The following VPS13D variants were observed in gnomAD, a reference collection of about 807,000 sequenced individuals.
VPS13D encodes vacuolar protein sorting 13 homolog D, also known as intermembrane lipid transfer protein VPS13D.
Under a neutral mutation model 461.9 loss-of-function variants are expected in VPS13D, and 187 were observed. The ratio of observed to expected loss-of-function variants is 0.40; its 90% confidence interval spans 0.36 to 0.46. The LOEUF is 0.46. Ranked by LOEUF, VPS13D falls within the 20% of genes least tolerant of loss-of-function variation. The pLI is 0.60. For synonymous variants in VPS13D, 1,951 were observed against 1,986.3 expected, an observed-to-expected ratio of 0.98 and a Z score of 0.47; for missense variants, 4,711 against 5,364.9, an observed-to-expected ratio of 0.88 and a Z score of 3.81.
intron 54 of VPS13D, 49 bp from the exon 55 acceptor site, chr1:12,373,701 A>G: frequency 1.8e-6 from 2 of 1,116,956 alleles, no homozygotes; most frequent in East Asian, 6.9e-5. Flanking sequence ...ATGTGTGTGT[A>G]TACCTGTATA....
chr1:12,278,917 AG>A (rs2101369056), intron 19 of VPS13D, among the ~76,000 whole-genome samples: 1 of 152,378 alleles, frequency 6.6e-6, no homozygotes, highest in Non-Finnish European at 1.5e-5. Context: ...CGCAGAGATC[AG>A]GTAAGTCCTA....
rs1641606586 is a variant in VPS13D, at chr1:12,276,192, C to T, written c.2604C>T (p.Pro868=). The T allele has an allele frequency of 3.7e-6, 6 of 1,614,094 alleles. No individual in the cohort carries two copies. Among genetic ancestry groups the T allele is most frequent in the Non-Finnish European group, 5.1e-6 (6 of 1,180,006 alleles). The change falls in exon 19 of 70, where the codon CCC becomes CCT. Residue 868 remains proline (P), a synonymous_variant. Coordinates refer to ENST00000620676, the MANE Select transcript of VPS13D (RefSeq NM_015378.4). This position sits in a 1 kb window ranked among gnomAD's most constrained non-coding sequence, Gnocchi z 4.5. ...GTCGATTGATTTATACTTCAGATCCCAAATATCCAGGAGCCGTGCTCTCAG... is the reference window on the plus strand; with the variant it reads ...GTCGATTGATTTATACTTCAGATCCTAAATATCCAGGAGCCGTGCTCTCAG... ...LERRLIYTSD[P]KYPGAVLSGN...
chr1:12,312,574 A>G (rs1188944526), intron 29 of VPS13D, among the ~76,000 whole-genome samples: 2 of 152,352 alleles, frequency 1.3e-5, no homozygotes, highest in African/African-American at 4.8e-5. Context: ...CCTGGGCAAC[A>G]TAGTGAGAGA....
Position 12,378,430 on chromosome 1 carries a change from A to G in VPS13D, c.10920A>G (p.Glu3640=), listed in dbSNP as rs1445485668. The part of the protein sequence containing the change: ...KTQRVILKKK[E]PGKRSQLWRM... ...TTTTGCTTGTACCTACTTAACAGGA[A>G]CCAGGAAAGCGTTCTCAGCTGTGGA... Residue 3640 remains glutamate (E), a splice_region_variant and synonymous_variant, in exon 56 of 70, where the codon GAA becomes GAG. Coordinates refer to ENST00000620676, the MANE Select transcript of VPS13D (RefSeq NM_015378.4). 7 of 1,600,992 alleles carry G rather than the reference A, an allele frequency of 4.4e-6. No individual in the cohort carries two copies. The African/African-American group carries it at 5.4e-5, about 12-fold the overall frequency.
In VPS13D at chr1:12,273,779, G is replaced by A. The variant is rs541798133; in HGVS notation, c.2236+644G>A. On this transcript the variant is annotated intron_variant, in intron 18 of 69. Coordinates refer to ENST00000620676, the MANE Select transcript of VPS13D (RefSeq NM_015378.4). ...ATAGTCCATCGTGTGGCTGTTCCGCGTTTTGTTTATCCTTTCATTTGTTCA... is the reference window on the plus strand; with the variant it reads ...ATAGTCCATCGTGTGGCTGTTCCGCATTTTGTTTATCCTTTCATTTGTTCA... Among the ~76,000 whole-genome samples, 59 of 152,122 alleles carry A rather than the reference G, an allele frequency of 3.9e-4. 1 individual carries two copies. The Middle Eastern group carries it at 0.024, about 61-fold the overall frequency.
At chr1:12,355,832 C>G (rs894621280) in intron 47 of VPS13D, 67 bp from the exon 48 acceptor site, 13 of 1,421,302 alleles carry the variant, frequency 9.1e-6, no homozygotes, top group Middle Eastern at 4.4e-4. Context: ...ATCCAATTTA[C>G]TTTTGCTGTG....
chr1:12,392,765 A>G (rs879817547), intron 60 of VPS13D, among the ~76,000 whole-genome samples: 4 of 152,114 alleles, frequency 2.6e-5, no homozygotes, highest in African/African-American at 7.2e-5. Flanking sequence ...GGGCCTGCCA[A>G]AGGCTCCAAA....
chr1:12,469,890 G>A (rs1292945966), intron 67 of VPS13D, among the ~76,000 whole-genome samples: 1 of 152,150 alleles, frequency 6.6e-6, no homozygotes. Context: ...AGGCTGCTTG[G>A]TTGTGTTTGC....
At chr1:12,270,625 C>CG (rs1641410875) in intron 16 of VPS13D, among the ~76,000 whole-genome samples, 1 of 152,186 alleles carries the variant, frequency 6.6e-6, no homozygotes, top group African/African-American at 2.4e-5. Context: ...TCCTCTCCCC[C>CG]CATGGCTGTC....
chr1:12,333,399 C>G (rs1169698944), intron 38 of VPS13D, 33 bp downstream of exon 38: 2 of 1,609,336 alleles, frequency 1.2e-6, no homozygotes, highest in Admixed American at 3.4e-5. Context: ...TAGACTGATA[C>G]CTTTCCGTAC....
chr1:12,246,916 A>G (rs1023586693), intron 5 of VPS13D, among the ~76,000 whole-genome samples: 1 of 152,158 alleles, frequency 6.6e-6, no homozygotes, highest in Non-Finnish European at 1.5e-5. Context: ...CCTTTTTGCT[A>G]TTACGAATAA....
At chr1:12,298,082 T>C (rs1642324773) in intron 24 of VPS13D, among the ~76,000 whole-genome samples, 1 of 152,180 alleles carries the variant, frequency 6.6e-6, no homozygotes, top group South Asian at 2.1e-4. Context: ...GTAATAATAA[T>C]AGCTGTTACA....
intron 67 of VPS13D, among the ~76,000 whole-genome samples, chr1:12,490,828 C>G (rs989507775): frequency 6.6e-6 from 1 of 151,974 alleles, no homozygotes; most frequent in Admixed American, 6.6e-5. Flanking sequence ...CAGATGCAGC[C>G]CATGGCATGG....
chr1:12,348,694 A>G, intron 44 of VPS13D, 129 bp from the exon 45 acceptor site: 6 of 1,180,484 alleles, frequency 5.1e-6, no homozygotes, highest in South Asian at 4.7e-5. Context: ...TTAGGGTTTT[A>G]TGACTGATTT....
chr1:12,381,408 C>T (rs1464170600), intron 57 of VPS13D, among the ~76,000 whole-genome samples: 1 of 152,128 alleles, frequency 6.6e-6, no homozygotes, highest in African/African-American at 2.4e-5. Context: ...GTTTGCTTTC[C>T]CACAGCCATA....
intron 61 of VPS13D, among the ~76,000 whole-genome samples, chr1:12,401,133 GTC>G (rs2101682984): frequency 6.6e-6 from 1 of 152,302 alleles, no homozygotes; most frequent in African/African-American, 2.4e-5. Flanking sequence ...TCTTGGAGGA[GTC>G]TCCACGCACA....
At chr1:12,256,959 C>G (rs1640942681) in intron 8 of VPS13D, 28 bp from the exon 9 acceptor site, 3 of 1,608,820 alleles carry the variant, frequency 1.9e-6, no homozygotes, top group African/African-American at 1.3e-5. Context: ...CTATTCTAAC[C>G]TAGTATCTCT....
At chr1:12,294,797 CG>C (rs1413471955) in intron 24 of VPS13D, among the ~76,000 whole-genome samples, 1 of 151,894 alleles carries the variant, frequency 6.6e-6, no homozygotes, top group African/African-American at 2.4e-5. Context: ...GGCGACAGAG[CG>C]AGACTCCGTC....
Position 12,260,892 on chromosome 1 carries a change from T to G in VPS13D, c.1213-56T>G, listed in dbSNP as rs6657877. ...GCTCCTGTGGGGAAACAGCAGCATA[T>G]CACAGCTTGCTTTTATCTTTGAGTA... On this transcript the variant is annotated intron_variant, in intron 11 of 69. Coordinates refer to ENST00000620676, the MANE Select transcript of VPS13D (RefSeq NM_015378.4). The G allele has an allele frequency of 0.021, 33,209 of 1,612,680 alleles. 773 individuals carry two copies. Among genetic ancestry groups the G allele is most frequent in the African/African-American group, 0.12 (9,072 of 74,970 alleles).
Sources: allele counts gnomAD v4.1 joint callset (sites outside exome capture counted in the v4.1 genomes callset), GRCh38; gene constraint gnomAD v4.1.1; non-coding constraint Gnocchi (gnomAD v3.1); transcripts MANE v1.5; gene names NCBI Gene and HGNC (gene_info 2026-07-23, HGNC 2026-07-21).